Variants in PDE1C observed in about 807,000 individuals in gnomAD.
PDE1C encodes the protein dual specificity calcium/calmodulin-dependent 3',5'-cyclic nucleotide phosphodiesterase 1C.
Under a neutral mutation model 93.1 loss-of-function variants are expected in PDE1C, and 62 were observed. The ratio of observed to expected loss-of-function variants is 0.67; its 90% CI spans 0.54 to 0.82. PDE1C has a LOEUF of 0.82. PDE1C is among the 40% of genes least tolerant of loss of function. The pLI is 0.00. For missense variants in PDE1C, 742 were observed against 884.6 expected (o/e 0.84, Z 2.04); for synonymous variants, 325 against 310.1 (o/e 1.05, Z -0.50).
At chr7:31,628,929 A>T in the PDE1C span, among the ~76,000 whole-genome samples, 1 of 152,190 alleles carries the variant, frequency 6.6e-6, no homozygotes, top group African/African-American at 2.4e-5. Flanking sequence ...AGCTAGCTTC[A>T]CAAGAGGAAA....
intron 6 of PDE1C, among the ~76,000 whole-genome samples, chr7:31,871,474 A>G (rs1795945499): frequency 6.6e-6 from 1 of 152,112 alleles, no homozygotes; most frequent in Non-Finnish European, 1.5e-5. Context: ...CTGACAAGGG[A>G]CTAATACCCA....
At chr7:31,816,590 A>G (rs1788302864) in intron 14 of PDE1C, among the ~76,000 whole-genome samples, 1 of 152,150 alleles carries the variant, frequency 6.6e-6, no homozygotes, top group South Asian at 2.1e-4. Flanking sequence ...GAGAGACATC[A>G]TAAAACTTTC....
chr7:31,783,433 T>C (rs1379530596), intron 16 of PDE1C: 1 of 152,072 alleles, frequency 6.6e-6, no homozygotes, highest in Non-Finnish European at 1.5e-5. Flanking sequence ...GTTGACTGAG[T>C]TTGGACAGCT....
chr7:32,002,199 T>G (rs769872406), intron 2 of PDE1C, among the ~76,000 whole-genome samples: 21 of 152,198 alleles, frequency 1.4e-4, no homozygotes, highest in Non-Finnish European at 3.1e-4. Context: ...CATATGTATG[T>G]AAGTTTCTCC....
intron 3 of PDE1C, among the ~76,000 whole-genome samples, chr7:32,111,246 C>T (rs1237273753): frequency 2.0e-5 from 3 of 152,120 alleles, no homozygotes; most frequent in Non-Finnish European, 4.4e-5. Flanking sequence ...TTCACCATCC[C>T]TAGATTTTCA....
the PDE1C span, chr7:31,707,340 TA>T: frequency 6.9e-7 from 1 of 1,440,816 alleles, no homozygotes. Context: ...TGTGGTGACC[TA>T]GAGAAAAAAT....
At chr7:32,225,914 C>T (rs945757491) in intron 1 of PDE1C, among the ~76,000 whole-genome samples, 2 of 151,906 alleles carry the variant, frequency 1.3e-5, no homozygotes, top group Admixed American at 6.6e-5. Context: ...AAAAATTAGC[C>T]GGGCATGGTG....
chr7:31,815,751 T>C (rs1354054962), intron 15 of PDE1C, among the ~76,000 whole-genome samples, 173 bp downstream of exon 15: 2 of 152,112 alleles, frequency 1.3e-5, no homozygotes, highest in Non-Finnish European at 1.5e-5. Flanking sequence ...GGTGAGCTGG[T>C]AGCTGCTTCT....
the PDE1C span, among the ~76,000 whole-genome samples, chr7:31,690,143 C>T: frequency 6.6e-6 from 1 of 152,240 alleles, no homozygotes; most frequent in Non-Finnish European, 1.5e-5. Flanking sequence ...CAGAGGAGGC[C>T]TGGACCTCCC....
intron 1 of PDE1C, among the ~76,000 whole-genome samples, chr7:32,314,639 A>T (rs1319668736): frequency 6.6e-6 from 1 of 152,140 alleles, no homozygotes; most frequent in Non-Finnish European, 1.5e-5. Context: ...CTCAGTAACA[A>T]AGAATGGAAT....
chr7:31,946,043 C>A (rs1484571056), intron 2 of PDE1C, among the ~76,000 whole-genome samples: 2 of 152,170 alleles, frequency 1.3e-5, no homozygotes, highest in Admixed American at 1.3e-4. Flanking sequence ...TTCCATCTCT[C>A]TGCTTACATT....
intron 2 of PDE1C, among the ~76,000 whole-genome samples, chr7:31,947,607 A>G (rs1806796070): frequency 6.6e-6 from 1 of 152,182 alleles, no homozygotes; most frequent in African/African-American, 2.4e-5. Context: ...AAGAACCCCA[A>G]GTATTATTTT....
At chr7:32,102,119 C>A (rs921870950) in intron 3 of PDE1C, among the ~76,000 whole-genome samples, 1 of 152,162 alleles carries the variant, frequency 6.6e-6, no homozygotes, top group African/African-American at 2.4e-5. Flanking sequence ...CATTGAAGGT[C>A]ACATTTCAAC....
intron 17 of PDE1C, among the ~76,000 whole-genome samples, chr7:31,756,216 G>T (rs989278948): frequency 2.0e-5 from 3 of 152,122 alleles, no homozygotes; most frequent in African/African-American, 7.2e-5. Context: ...TTTATATAGA[G>T]AAATCTAGTA....
chr7:32,209,528 C>A, exon 2 of PDE1C: 1 of 1,566,434 alleles, frequency 6.4e-7, no homozygotes, highest in Non-Finnish European at 8.6e-7. Flanking sequence ...TTGTCTCCAG[C>A]TTCATTTGCA....
intron 1 of PDE1C, among the ~76,000 whole-genome samples, chr7:32,343,687 C>T (rs116487946): frequency 0.011 from 1,631 of 152,308 alleles, 29 homozygotes; most frequent in African/African-American, 0.036. Context: ...CATAGTTCCT[C>T]ATTTATGGCC....
chr7:31,652,447 C>G, the PDE1C span: 2 of 1,499,744 alleles, frequency 1.3e-6, no homozygotes, highest in Admixed American at 2.1e-5. Flanking sequence ...GCCTAGCTCA[C>G]AAGTTTGAGT....
At chr7:32,021,817 G>T (rs1788712187) in intron 2 of PDE1C, among the ~76,000 whole-genome samples, 1 of 152,020 alleles carries the variant, frequency 6.6e-6, no homozygotes, top group African/African-American at 2.4e-5. Context: ...ATCTGAAACT[G>T]AAGTGAGTCC....
the PDE1C span, among the ~76,000 whole-genome samples, chr7:31,675,169 G>A: frequency 6.6e-6 from 1 of 152,292 alleles, no homozygotes; most frequent in East Asian, 1.9e-4. Flanking sequence ...CTGTCAAGAT[G>A]TGGTTGATTT....
Sources: allele counts gnomAD v4.1 joint callset (sites outside exome capture counted in the v4.1 genomes callset), GRCh38; gene constraint gnomAD v4.1.1; transcripts MANE v1.5; gene names NCBI Gene and HGNC (gene_info 2026-07-23, HGNC 2026-07-21).